ADGRF3: variants seen among roughly 807,000 people sequenced by gnomAD.
ADGRF3 encodes adhesion G protein-coupled receptor F3.
Under a neutral mutation model 93.2 loss-of-function variants are expected in ADGRF3, and 85 were observed. That is an observed-to-expected ratio of 0.91 (90% CI 0.77 to 1.09). ADGRF3 has a LOEUF of 1.09. Ranked by LOEUF, ADGRF3 falls within the 50% of genes least tolerant of loss-of-function variation. ADGRF3 has a pLI of 0.00. For synonymous variants in ADGRF3, 534 were observed against 532.5 expected (o/e 1.00, Z -0.04); for missense variants, 1,125 against 1,246.2 (o/e 0.90, Z 1.46).
intron 1 of ADGRF3, among the ~76,000 whole-genome samples, chr2:26,327,688 T>TGA (rs150731754): frequency 4.3e-5 from 5 of 115,678 alleles, no homozygotes; most frequent in South Asian, 2.5e-4. Flanking sequence ...AGAGAGCACA[T>TGA]GAGAGAGAGA....
Position 26,313,538 on chromosome 2 carries a change from G to T in ADGRF3, c.1108C>A (p.Leu370Ile), listed in dbSNP as rs769559596. 1 of 1,609,906 alleles carries T rather than the reference G, an allele frequency of 6.2e-7. No individual in the cohort carries two copies. The highest frequency in any genetic ancestry group is 2.2e-5 in the East Asian group (1 of 44,848). Residue 370 changes from leucine (L) to isoleucine (I), a missense_variant, in exon 8 of 14, where the codon CTC (leucine) becomes ATC (isoleucine). Transcript: ENST00000651242. ...CCAGCCTTGGTGACATTCCAGGTGA[G>T]CACCGAGGCGTCCTCAGGGCAGGTG... Reference protein sequence around the residue: ...DITCPEDASVLTWNVTKAGHV... With the variant: ...DITCPEDASVITWNVTKAGHV...
chr2:26,324,461 C>G (rs1029650115), intron 1 of ADGRF3, among the ~76,000 whole-genome samples: 1 of 151,804 alleles, frequency 6.6e-6, no homozygotes, highest in Non-Finnish European at 1.5e-5. Flanking sequence ...AAGCCTAGTA[C>G]CCATTAGTTA....
chr2:26,337,684 T>G (rs552718132), intron 1 of ADGRF3, among the ~76,000 whole-genome samples: 289 of 152,292 alleles, frequency 1.9e-3, no homozygotes, highest in Non-Finnish European at 3.1e-3. Context: ...CGTGAGTAAA[T>G]GTGAAGAGCT....
intron 1 of ADGRF3, among the ~76,000 whole-genome samples, chr2:26,338,223 T>C (rs372236500): frequency 8.6e-5 from 13 of 151,516 alleles, no homozygotes; most frequent in African/African-American, 2.2e-4. Flanking sequence ...GAAAAAAAGA[T>C]AGAAATATGG....
intron 1 of ADGRF3, among the ~76,000 whole-genome samples, chr2:26,326,519 T>C (rs1199035319): frequency 6.6e-6 from 1 of 152,120 alleles, no homozygotes; most frequent in Non-Finnish European, 1.5e-5. Context: ...ATTTCAATAT[T>C]CTAGTGAGCA....
intron 10 of ADGRF3, among the ~76,000 whole-genome samples, 178 bp from the exon 11 acceptor site, chr2:26,310,415 AG>A (rs1429495649): frequency 1.3e-5 from 2 of 152,216 alleles, no homozygotes; most frequent in African/African-American, 4.8e-5. Context: ...TGGTTATAAA[AG>A]GGATAGCAAA....
At chr2:26,322,731 AC>A (rs1675222442) in intron 1 of ADGRF3, among the ~76,000 whole-genome samples, 1 of 152,206 alleles carries the variant, frequency 6.6e-6, no homozygotes, top group Non-Finnish European at 1.5e-5. Context: ...AATGGAATAC[AC>A]CAAGACATAA....
At chr2:26,338,973 T>C (rs769729969) in intron 1 of ADGRF3, among the ~76,000 whole-genome samples, 1 of 150,478 alleles carries the variant, frequency 6.6e-6, no homozygotes, top group Non-Finnish European at 1.5e-5. Flanking sequence ...CTGTCTCTAC[T>C]AAAAATACAA....
In ADGRF3 at chr2:26,343,437, C is replaced by CT. The variant is rs61227869; in HGVS notation, c.114+2683dup. 1.0e-2 allele frequency among the ~76,000 whole-genome samples: 1,459 copies of CT among 146,324 alleles called. 19 individuals are homozygous for CT. Among genetic ancestry groups the CT allele is most frequent in the African/African-American group, 0.032 (1,271 of 40,004 alleles). The stretch of plus-strand genomic sequence containing the variant: ...GAATTAGATCTTAGGATCAAATGAT[C>CT]TTTTTTTTTTTTATTTTTTTGAGAC... On this transcript the variant is annotated intron_variant, in intron 1 of 13. Transcript: ENST00000651242.
chr2:26,314,544 T>G lies in ADGRF3; in HGVS notation c.798A>C (p.Thr266=). 6.2e-7 allele frequency: 1 copy of G among 1,614,054 alleles called. No individual in the cohort carries two copies. The highest frequency in any genetic ancestry group is 1.6e-4 in the Middle Eastern group (1 of 6,062). The change falls in exon 6 of 14, where the codon ACA becomes ACC. Residue 266 remains threonine, a synonymous_variant. Transcript: ENST00000651242. ...GCTGGTATGGAAGTCGAGCCACATC[T>G]GTCGCCTTCAAGGGCACCCTCACCA... ...YEVVRVPLKA[T]DVARLPYQLS...
chr2:26,317,592 A>T (rs916932503), intron 1 of ADGRF3, 30 bp from the exon 2 acceptor site: 7 of 1,554,480 alleles, frequency 4.5e-6, no homozygotes, highest in Non-Finnish European at 6.1e-6. Context: ...GGAGACCTCA[A>T]GTCCCTTCCA....
In ADGRF3 at chr2:26,313,845, C is replaced by T. The variant is rs775063923; in HGVS notation, c.987G>A (p.Pro329=). The T allele has an allele frequency of 6.2e-6, 10 of 1,613,858 alleles. No homozygotes were observed. Among genetic ancestry groups the T allele is most frequent in the African/African-American group, 1.3e-5 (1 of 74,932 alleles). The change falls in exon 7 of 14, where the codon CCG becomes CCA. Residue 329 remains proline, a synonymous_variant. Transcript: ENST00000651242. The part of the protein sequence containing the change: ...QCFVLAVQRC[P]MADTTYACDL... Reference sequence around the variant, plus strand: ...CACAAGCGTACGTGGTGTCAGCCATCGGGCAGCGCTGAACAGCCAGCACAA... The same window carrying T: ...CACAAGCGTACGTGGTGTCAGCCATTGGGCAGCGCTGAACAGCCAGCACAA...
chr2:26,316,818 C>T, intron 3 of ADGRF3, 94 bp downstream of exon 3: 1 of 1,373,910 alleles, frequency 7.3e-7, no homozygotes, highest in Non-Finnish European at 9.8e-7. Flanking sequence ...CCAGGAAATA[C>T]AGAGGGGCTC....
intron 1 of ADGRF3, among the ~76,000 whole-genome samples, chr2:26,320,533 CAT>C (rs1347561549): frequency 2.0e-5 from 3 of 152,142 alleles, no homozygotes; most frequent in Non-Finnish European, 4.4e-5. Flanking sequence ...GTTTGATAAA[CAT>C]ATACAAACCT....
intron 1 of ADGRF3, chr2:26,319,058 G>C (rs747754913): frequency 2.3e-5 from 35 of 1,547,360 alleles, no homozygotes; most frequent in Non-Finnish European, 3.1e-5. Context: ...ATGGCTCAGT[G>C]AAGCAGTCCC....
At chr2:26,336,719 CCATAA>C (rs1558401017) in intron 1 of ADGRF3, among the ~76,000 whole-genome samples, 23 of 72,972 alleles carry the variant, frequency 3.2e-4, no homozygotes, top group South Asian at 1.2e-3. Context: ...GAGTGAGACT[CCATAA>C]AAAAAAAAAA....
chr2:26,317,173 A>G, intron 2 of ADGRF3, 118 bp from the exon 3 acceptor site: 1 of 1,080,968 alleles, frequency 9.3e-7, no homozygotes, highest in Non-Finnish European at 1.3e-6. Flanking sequence ...CCCCTCCCAC[A>G]GCCTGTCCAG....
chr2:26,310,250 A>C lies in ADGRF3; in HGVS notation c.2833-13T>G, dbSNP rs142870519. 1.4e-5 allele frequency: 22 copies of C among 1,613,900 alleles called. No homozygotes were observed. The highest frequency in any genetic ancestry group is 3.3e-4 in the Middle Eastern group (2 of 6,056). On this transcript the variant is annotated splice_polypyrimidine_tract_variant and intron_variant, in intron 10 of 13. Coordinates refer to ENST00000651242, the MANE Select transcript of ADGRF3 (RefSeq NM_001321971.2). ...GGATGAAGACGCCCTGAGAAGAGGG[A>C]CATGGGGATAAGCTGGTCAAGGAGG...
chr2:26,326,274 TC>T (rs1249184465), intron 1 of ADGRF3, among the ~76,000 whole-genome samples: 1 of 152,114 alleles, frequency 6.6e-6, no homozygotes, highest in Admixed American at 6.5e-5. Context: ...CACCCAGAGC[TC>T]ATTCTCCAAG....
Sources: allele counts gnomAD v4.1 joint callset (sites outside exome capture counted in the v4.1 genomes callset), GRCh38; gene constraint gnomAD v4.1.1; transcripts MANE v1.5; gene names NCBI Gene and HGNC (gene_info 2026-07-23, HGNC 2026-07-21).